The following RALYL variants were observed in gnomAD, a reference collection of about 807,000 sequenced individuals.
RALYL encodes RALY RNA binding protein like, also known as RNA-binding Raly-like protein.
A neutral mutation model predicts 35.1 loss-of-function variants in RALYL; 29 were observed. The observed-to-expected ratio is 0.83, with a 90% CI of 0.61 to 1.13. The LOEUF is 1.13. Ranked by LOEUF, RALYL falls within the 50% of genes most tolerant of loss-of-function variation. The pLI is 0.00. For missense variants in RALYL, 359 were observed against 360.4 expected (o/e 1.00, Z 0.03); for synonymous variants, 120 against 127.6 (o/e 0.94, Z 0.40).
chr8:84,408,792 A>G (rs977369776), intron 1 of RALYL, among the ~76,000 whole-genome samples: 2 of 152,176 alleles, frequency 1.3e-5, no homozygotes, highest in African/African-American at 2.4e-5. Flanking sequence ...CAACAATGCT[A>G]TATGTAGAAC....
intron 2 of RALYL, among the ~76,000 whole-genome samples, chr8:84,734,147 C>T (rs1259727551): frequency 6.6e-6 from 1 of 152,118 alleles, no homozygotes; most frequent in Non-Finnish European, 1.5e-5. Flanking sequence ...AAGTGGGCAG[C>T]CACATTTATC....
At chr8:84,503,888 C>A (rs900584411) in intron 1 of RALYL, among the ~76,000 whole-genome samples, 1 of 151,082 alleles carries the variant, frequency 6.6e-6, no homozygotes, top group Non-Finnish European at 1.5e-5. Context: ...GAAAACAAAC[C>A]AAAAATATAG....
At chr8:84,697,015 G>A (rs1410057324) in intron 2 of RALYL, among the ~76,000 whole-genome samples, 1 of 151,948 alleles carries the variant, frequency 6.6e-6, no homozygotes, top group African/African-American at 2.4e-5. Flanking sequence ...GGCTGAAGTA[G>A]CTCATCAATG....
chr8:84,702,622 C>T (rs1246080931), intron 2 of RALYL, among the ~76,000 whole-genome samples: 1 of 151,868 alleles, frequency 6.6e-6, no homozygotes, highest in South Asian at 2.1e-4. Flanking sequence ...TCACTCTCCC[C>T]TCTTTCTTCC....
At chr8:84,522,786 C>T (rs1204382289) in intron 1 of RALYL, among the ~76,000 whole-genome samples, 1 of 152,100 alleles carries the variant, frequency 6.6e-6, no homozygotes, top group Non-Finnish European at 1.5e-5. Flanking sequence ...TCATTTTTGC[C>T]TCCCTTTCAT....
At chr8:84,468,472 C>A (rs537870989) in intron 1 of RALYL, among the ~76,000 whole-genome samples, 2 of 148,210 alleles carry the variant, frequency 1.3e-5, no homozygotes, top group South Asian at 4.7e-4. Context: ...AACATTGGCC[C>A]CCACTCTCTT....
intron 2 of RALYL, among the ~76,000 whole-genome samples, chr8:84,601,031 A>G (rs1328484088): frequency 6.6e-6 from 1 of 152,140 alleles, no homozygotes; most frequent in African/African-American, 2.4e-5. Flanking sequence ...AAGATATCTG[A>G]GATGTGGTTC....
intron 3 of RALYL, among the ~76,000 whole-genome samples, chr8:84,776,194 A>G (rs1358337449): frequency 2.6e-5 from 4 of 152,148 alleles, no homozygotes; most frequent in African/African-American, 9.7e-5. Flanking sequence ...TTCTCTGAAA[A>G]CTAGCATATC....
intron 4 of RALYL, among the ~76,000 whole-genome samples, chr8:84,836,255 T>A (rs1831999416): frequency 6.6e-6 from 1 of 152,180 alleles, no homozygotes; most frequent in Non-Finnish European, 1.5e-5. Context: ...AAAGTAATCA[T>A]CCTTTAAATG....
At chr8:84,458,176 A>ATCTGTAC (rs1292834056) in intron 1 of RALYL, among the ~76,000 whole-genome samples, 4 of 151,980 alleles carry the variant, frequency 2.6e-5, no homozygotes, top group African/African-American at 9.6e-5. Flanking sequence ...AATCAACTTC[A>ATCTGTAC]TCTGTACTTT....
At position 84,654,270 on chromosome 8, in the gene RALYL, CATATATATATATATATATATATATATAT is replaced by C. The variant is rs143309933; in HGVS notation, c.257-120292_257-120265del. Reference sequence around the variant, plus strand: ...CAACGTATATGTATATCTCATGTTCCATATATATATATATATATATATATATATATATATATATATATATCATGTACCA... The same window carrying C: ...CAACGTATATGTATATCTCATGTTCCATATATATATATATATCATGTACCA... On this transcript the variant is annotated intron_variant, in intron 2 of 8. Coordinates refer to ENST00000521268, the MANE Select transcript of RALYL (RefSeq NM_173848.7). 2.0e-4 allele frequency among the ~76,000 whole-genome samples: 9 copies of C among 44,532 alleles called. 1 individual carries two copies. Among genetic ancestry groups the C allele is most frequent in the Non-Finnish European group, 3.4e-4 (6 of 17,608 alleles). The allele number at this position is 44,532 out of a possible 152,430, so 29.2% of individuals were successfully genotyped here. A position where few individuals can be genotyped will look rare whatever the true frequency, so the allele number is the denominator to read the frequency against.
chr8:84,842,145 C>CA lies in RALYL; in HGVS notation c.366-7829dup, dbSNP rs1348264837. ...AGCAGAACTGAAGGAAATAGAGACA[C>CA]AAAAAACCCTTCAAAAAATTAATGA... On this transcript the variant is annotated intron_variant, in intron 4 of 8. Coordinates refer to ENST00000521268, the MANE Select transcript of RALYL (RefSeq NM_173848.7). Among the ~76,000 whole-genome samples the CA allele has an allele frequency of 2.0e-5, 3 of 152,092 alleles. No individual in the cohort carries two copies. The South Asian group carries it at 6.2e-4, about 32-fold the overall frequency.
At chr8:84,532,684 T>A (rs1281640027) in intron 2 of RALYL, among the ~76,000 whole-genome samples, 1 of 152,104 alleles carries the variant, frequency 6.6e-6, no homozygotes, top group Non-Finnish European at 1.5e-5. Flanking sequence ...TGATCTCAAA[T>A]AATGCATATT....
At chr8:84,919,423 C>T (rs1183777731) in intron 8 of RALYL, among the ~76,000 whole-genome samples, 2 of 151,958 alleles carry the variant, frequency 1.3e-5, no homozygotes, top group Admixed American at 1.3e-4. Context: ...TACAAAACTT[C>T]CTTTACACCA....
At chr8:84,657,336 C>T (rs1830136946) in intron 2 of RALYL, among the ~76,000 whole-genome samples, 1 of 151,382 alleles carries the variant, frequency 6.6e-6, no homozygotes, top group Admixed American at 6.6e-5. Context: ...AAGGAATGTG[C>T]TTTCAAGGTA....
At chr8:84,501,076 A>G (rs1355960462) in intron 1 of RALYL, among the ~76,000 whole-genome samples, 1 of 152,134 alleles carries the variant, frequency 6.6e-6, no homozygotes, top group Non-Finnish European at 1.5e-5. Context: ...GGCGCCATTT[A>G]CATATGGAAT....
At chr8:84,649,245 A>T (rs1021585157) in intron 2 of RALYL, among the ~76,000 whole-genome samples, 24 of 152,110 alleles carry the variant, frequency 1.6e-4, no homozygotes, top group African/African-American at 5.5e-4. Context: ...GTTCACTCTG[A>T]TGGTAGTTTC....
intron 8 of RALYL, among the ~76,000 whole-genome samples, chr8:84,906,434 A>C (rs1421149481): frequency 6.6e-6 from 1 of 152,196 alleles, no homozygotes; most frequent in Non-Finnish European, 1.5e-5. Flanking sequence ...GAAAGTCATT[A>C]ACAGCAGTAT....
chr8:84,442,326 G>A (rs1171681560), intron 1 of RALYL, among the ~76,000 whole-genome samples: 2 of 152,056 alleles, frequency 1.3e-5, no homozygotes, highest in Non-Finnish European at 2.9e-5. Flanking sequence ...GTTTATGTTA[G>A]CACTTGCAAT....
Sources: allele counts gnomAD v4.1 joint callset (sites outside exome capture counted in the v4.1 genomes callset), GRCh38; gene constraint gnomAD v4.1.1; transcripts MANE v1.5; gene names NCBI Gene and HGNC (gene_info 2026-07-23, HGNC 2026-07-21).